SLC22A23: variants seen among roughly 807,000 people sequenced by gnomAD.
SLC22A23 encodes the protein solute carrier family 22 member 23.
SLC22A23 carries 26 observed loss-of-function variants against 61.0 expected under a neutral mutation model. The ratio of observed to expected loss-of-function variants is 0.43; its 90% confidence interval spans 0.31 to 0.59. The LOEUF (loss-of-function observed/expected upper bound fraction) is 0.59, where lower values mean the gene tolerates loss of function less well. Ranked by LOEUF, SLC22A23 falls within the 20% of genes least tolerant of loss-of-function variation. The probability of loss-of-function intolerance (pLI) is 0.11; values close to 1 mark genes in which losing one functional copy is unlikely to be tolerated. For missense variants in SLC22A23, 796 were observed against 934.7 expected, an observed-to-expected ratio of 0.85 and a Z score of 1.94; for synonymous variants, 430 against 413.9, an observed-to-expected ratio of 1.04 and a Z score of -0.47.
chr6:3,276,714 A>G (rs1758942118), intron 9 of SLC22A23: 2 of 152,260 alleles, frequency 1.3e-5, no homozygotes. Flanking sequence ...TTTCTCGAGG[A>G]AGGAGATGCC....
intron 3 of SLC22A23, among the ~76,000 whole-genome samples, chr6:3,409,949 C>A (rs183578143): frequency 8.5e-5 from 13 of 152,324 alleles, no homozygotes; most frequent in African/African-American, 3.1e-4. Context: ...CAAGCAGTTA[C>A]GCAACCTCCC....
At chr6:3,279,468 G>A (rs540482518) in intron 9 of SLC22A23, among the ~76,000 whole-genome samples, 3 of 120,072 alleles carry the variant, frequency 2.5e-5, no homozygotes, top group East Asian at 2.7e-4. Context: ...CCGAGATCAC[G>A]CGACTGCACT....
chr6:3,447,852 T>G (rs1305289855), intron 1 of SLC22A23, among the ~76,000 whole-genome samples: 2 of 149,542 alleles, frequency 1.3e-5, no homozygotes, highest in Non-Finnish European at 3.0e-5. Flanking sequence ...CCTCCCAAAG[T>G]GCTGGGATTA....
rs1293718172 is a variant in SLC22A23 at position 3,434,725 on chromosome 6, C to A, written c.655-18870G>T. ...CCTCCAACAGCACAAGGTCAGGCAGCAGAACGGAGGAGACGCGAGGGGTGT... is the reference window on the plus strand; with the variant it reads ...CCTCCAACAGCACAAGGTCAGGCAGAAGAACGGAGGAGACGCGAGGGGTGT... On this transcript the variant is annotated intron_variant, in intron 1 of 9. Transcript: ENST00000406686. 3.9e-5 allele frequency among the ~76,000 whole-genome samples: 6 copies of A among 152,302 alleles called. No homozygotes were observed. In the East Asian group the frequency reaches 1.2e-3, roughly 29 times the overall value.
At chr6:3,406,530 GTGTGTGTGTGTGTGTGTGCGCGCA>G (rs1768841951) in intron 3 of SLC22A23, among the ~76,000 whole-genome samples, 1 of 46,826 alleles carries the variant, frequency 2.1e-5, no homozygotes, top group East Asian at 4.2e-4. Flanking sequence ...GACTGCCTGT[GTGTGTGTGTGTGTGTGTGCGCGCA>G]TGTGTGTGTG....
chr6:3,367,547 A>G (rs1765915877), intron 3 of SLC22A23, among the ~76,000 whole-genome samples: 1 of 152,162 alleles, frequency 6.6e-6, no homozygotes, highest in Non-Finnish European at 1.5e-5. Flanking sequence ...CAGAGAGTGC[A>G]TAGCAGGGGC....
At position 3,325,099 on chromosome 6, in the gene SLC22A23, A is replaced by C. The variant is rs572967037; in HGVS notation, c.914-1097T>G. Among the ~76,000 whole-genome samples, 274 of 152,348 alleles carry C rather than the reference A, an allele frequency of 1.8e-3. 2 individuals are homozygous for C. The highest frequency in any genetic ancestry group is 6.4e-3 in the African/African-American group (266 of 41,594). On this transcript the variant is annotated intron_variant, in intron 3 of 9. Transcript: ENST00000406686. ...CTCTTTCAAACATAAGGTAAGAAGA[A>C]GAAGGGGAAGGAGGAGGAGGGGGAA...
At chr6:3,288,729 A>T (rs1353878925) in intron 6 of SLC22A23, among the ~76,000 whole-genome samples, 1 of 152,236 alleles carries the variant, frequency 6.6e-6, no homozygotes, top group Middle Eastern at 3.2e-3. Flanking sequence ...CAGTGCCGCC[A>T]GCTCACCCAG....
chr6:3,363,882 G>A (rs1208275529), intron 3 of SLC22A23, among the ~76,000 whole-genome samples: 3 of 152,238 alleles, frequency 2.0e-5, no homozygotes, highest in Non-Finnish European at 1.5e-5. Context: ...ACAGGACATG[G>A]GGCAGAGCCA....
At chr6:3,395,271 C>T (rs1767932485) in intron 3 of SLC22A23, among the ~76,000 whole-genome samples, 2 of 152,154 alleles carry the variant, frequency 1.3e-5, no homozygotes, top group Non-Finnish European at 2.9e-5. Context: ...GCACCAAAGG[C>T]CACATGTCAC....
chr6:3,312,634 GCCAGAGT>G (rs1762427031), intron 4 of SLC22A23: 1 of 152,164 alleles, frequency 6.6e-6, no homozygotes, highest in Non-Finnish European at 1.5e-5. Flanking sequence ...CATGTGGTCT[GCCAGAGT>G]CCCTAGGGCC....
At chr6:3,313,588 G>A (rs780114896) in intron 4 of SLC22A23, 9 of 152,138 alleles carry the variant, frequency 5.9e-5, no homozygotes, top group Non-Finnish European at 8.8e-5. Flanking sequence ...CTGTAATAGA[G>A]TCTCTTTGTA....
intron 1 of SLC22A23, among the ~76,000 whole-genome samples, chr6:3,447,800 G>A (rs1435724916): frequency 6.6e-6 from 1 of 151,006 alleles, no homozygotes; most frequent in Non-Finnish European, 1.5e-5. Context: ...GTGTTAGTCA[G>A]TATGGTCTCC....
chr6:3,330,057 G>T lies in SLC22A23; in HGVS notation c.914-6055C>A, dbSNP rs1383354518. Among the ~76,000 whole-genome samples the T allele has an allele frequency of 6.6e-6, 1 of 152,172 alleles. No homozygotes were observed. The highest frequency in any genetic ancestry group is 6.5e-5 in the Admixed American group (1 of 15,282). ...GGCCGACTGGGCCACTAGGACACCGGGGCTTGGGGATCCCACCGCCCTGCC... is the reference window on the plus strand; with the variant it reads ...GGCCGACTGGGCCACTAGGACACCGTGGCTTGGGGATCCCACCGCCCTGCC... On this transcript the variant is annotated intron_variant, in intron 3 of 9. Coordinates refer to ENST00000406686, the MANE Select transcript of SLC22A23 (RefSeq NM_015482.2). The surrounding 1 kb of genome is among the most constrained non-coding windows in gnomAD (Gnocchi z 4.7).
intron 1 of SLC22A23, among the ~76,000 whole-genome samples, chr6:3,431,857 C>T (rs773492076): frequency 6.6e-6 from 1 of 152,198 alleles, no homozygotes; most frequent in Non-Finnish European, 1.5e-5. Flanking sequence ...TTCCTATGAG[C>T]TTCCATACTT....
chr6:3,308,237 C>T lies in SLC22A23; in HGVS notation c.1083-10019G>A, dbSNP rs566105275. Among the ~76,000 whole-genome samples the T allele has an allele frequency of 2.8e-3, 415 of 147,822 alleles. 2 individuals are homozygous for T. The highest frequency in any genetic ancestry group is 0.011 in the African/African-American group (405 of 37,410). On this transcript the variant is annotated intron_variant, in intron 4 of 9. Transcript: ENST00000406686. The surrounding 1 kb of genome is among the most constrained non-coding windows in gnomAD (Gnocchi z 5.1). ...AAAATATTACAGAGAAGACGAAAGC[C>T]CCCCCATACCGCTCACCCCAATCCC...
chr6:3,391,960 G>A (rs1182932930), intron 3 of SLC22A23, among the ~76,000 whole-genome samples: 1 of 152,160 alleles, frequency 6.6e-6, no homozygotes, highest in Non-Finnish European at 1.5e-5. Flanking sequence ...TGGACACAGT[G>A]CAAGATCAAA....
rs118130859 is a variant in SLC22A23, at chr6:3,284,295, C to T, written c.1580-320G>A. 1.1e-3 allele frequency among the ~76,000 whole-genome samples: 165 copies of T among 152,330 alleles called. 1 individual carries two copies. In the East Asian group the frequency reaches 0.023, roughly 21 times the overall value. Reference sequence around the variant, plus strand: ...ATGTCCCTGGTGCCACAGCGACATCCCTCTGCCCTGGCCTATGTTTGCTCC... The same window carrying T: ...ATGTCCCTGGTGCCACAGCGACATCTCTCTGCCCTGGCCTATGTTTGCTCC... On this transcript the variant is annotated intron_variant, in intron 8 of 9. Transcript: ENST00000406686.
intron 1 of SLC22A23, among the ~76,000 whole-genome samples, chr6:3,452,317 G>A (rs1308938428): frequency 6.6e-6 from 1 of 152,148 alleles, no homozygotes; most frequent in Non-Finnish European, 1.5e-5. Flanking sequence ...CTATTAGTCT[G>A]GCTGGTGGCT....
Sources: allele counts gnomAD v4.1 joint callset (sites outside exome capture counted in the v4.1 genomes callset), GRCh38; gene constraint gnomAD v4.1.1; non-coding constraint Gnocchi (gnomAD v3.1); transcripts MANE v1.5; gene names NCBI Gene and HGNC (gene_info 2026-07-23, HGNC 2026-07-21).